PAPPA: variants seen among roughly 807,000 people sequenced by gnomAD.
PAPPA encodes pappalysin 1, also known as pappalysin-1.
PAPPA carries 60 observed loss-of-function variants against 164.0 expected under a neutral mutation model. That is an observed-to-expected ratio of 0.37 (90% CI 0.30 to 0.45). The LOEUF (loss-of-function observed/expected upper bound fraction) is 0.45. Among genes scored for constraint, PAPPA ranks in the 20% least tolerant of loss-of-function variants. PAPPA has a pLI of 1.00. For synonymous variants in PAPPA, 875 were observed against 814.1 expected (o/e 1.07, Z -1.27); for missense variants, 1,782 against 2,087.3 (o/e 0.85, Z 2.85).
Position 116,325,619 on chromosome 9 carries a change from C to G in PAPPA, c.3148-5625C>G, listed in dbSNP as rs527286032. 3.2e-4 allele frequency among the ~76,000 whole-genome samples: 49 copies of G among 152,272 alleles called. No individual in the cohort carries two copies. In the South Asian group the frequency reaches 4.4e-3, roughly 14 times the overall value. ...AGGGGTCACTTGCCTTTCAATTCCT[C>G]CAGGTGCTAGGATGAGGATGAGAAG... On this transcript the variant is annotated intron_variant, in intron 10 of 21. Transcript: ENST00000328252.
At chr9:116,201,311 T>A (rs1303346970) in intron 2 of PAPPA, among the ~76,000 whole-genome samples, 2 of 152,206 alleles carry the variant, frequency 1.3e-5, no homozygotes, top group Non-Finnish European at 2.9e-5. Context: ...TTTCAAATGG[T>A]CTGGTGTGTT....
intron 10 of PAPPA, among the ~76,000 whole-genome samples, chr9:116,312,686 A>G (rs1317984734): frequency 6.6e-6 from 1 of 152,064 alleles, no homozygotes; most frequent in Non-Finnish European, 1.5e-5. Flanking sequence ...TCTACTCTCT[A>G]TTCCTCCCCA....
chr9:116,332,206 G>A (rs1846001568), intron 11 of PAPPA, 127 bp from the exon 12 acceptor site: 1 of 657,296 alleles, frequency 1.5e-6, no homozygotes, highest in Admixed American at 2.7e-5. Context: ...TTCCCATCTT[G>A]GACCCCTGAT....
intron 10 of PAPPA, among the ~76,000 whole-genome samples, chr9:116,310,694 C>G (rs1011475988): frequency 3.3e-5 from 5 of 152,116 alleles, no homozygotes; most frequent in African/African-American, 1.2e-4. Context: ...AATATCTGTT[C>G]AAATCTACAA....
chr9:116,343,777 A>ATTTATTTG (rs3038277), intron 13 of PAPPA, among the ~76,000 whole-genome samples: 8 of 151,534 alleles, frequency 5.3e-5, no homozygotes, highest in Admixed American at 5.3e-4. Flanking sequence ...TTATTTATTT[A>ATTTATTTG]GAGATGGAGT....
At chr9:116,190,692 G>A (rs1844030703) in intron 2 of PAPPA, among the ~76,000 whole-genome samples, 1 of 152,222 alleles carries the variant, frequency 6.6e-6, no homozygotes, top group Admixed American at 6.5e-5. Context: ...GTGTGGAGGG[G>A]CCATGGGGCC....
At chr9:116,374,197 A>G (rs1005584929) in intron 19 of PAPPA, among the ~76,000 whole-genome samples, 5 of 106,432 alleles carry the variant, frequency 4.7e-5, no homozygotes, top group Non-Finnish European at 6.5e-5. Context: ...GGTGATGATG[A>G]TGGTGGTGCC....
At chr9:116,321,491 T>C (rs1019232516) in intron 10 of PAPPA, among the ~76,000 whole-genome samples, 14 of 152,190 alleles carry the variant, frequency 9.2e-5, no homozygotes, top group African/African-American at 1.2e-4. Context: ...TGACTCCCCA[T>C]AGTGTTTTGT....
At chr9:116,297,778 AGAC>A (rs1845527824) in intron 9 of PAPPA, among the ~76,000 whole-genome samples, 1 of 152,232 alleles carries the variant, frequency 6.6e-6, no homozygotes, top group South Asian at 2.1e-4. Flanking sequence ...CTAATTAAGA[AGAC>A]TTCTTCTCCA....
intron 1 of PAPPA, among the ~76,000 whole-genome samples, chr9:116,170,777 C>A (rs2118589260): frequency 6.6e-6 from 1 of 152,150 alleles, no homozygotes; most frequent in Non-Finnish European, 1.5e-5. Flanking sequence ...ATCCATCCTT[C>A]CATTCTTGGA....
rs547680080 is a variant in PAPPA, at chr9:116,268,705, T to C, written c.2862-2620T>C. On this transcript the variant is annotated intron_variant, in intron 8 of 21. Coordinates refer to ENST00000328252, the MANE Select transcript of PAPPA (RefSeq NM_002581.5). The stretch of plus-strand genomic sequence containing the variant: ...ATTTTAAATAGTATACTTAATACAG[T>C]TTTTTTTTAGTATTTTTACCTAGAA... Among the ~76,000 whole-genome samples, 519 of 150,110 alleles carry C rather than the reference T, an allele frequency of 3.5e-3. 4 individuals are homozygous for C. Among genetic ancestry groups the C allele is most frequent in the African/African-American group, 0.012 (490 of 40,212 alleles).
Position 116,382,411 on chromosome 9 carries a change from A to G in PAPPA, c.4694A>G (p.Asn1565Ser). 8 of 1,613,172 alleles carry G rather than the reference A, an allele frequency of 5.0e-6. No homozygotes were observed. Among genetic ancestry groups the G allele is most frequent in the Non-Finnish European group, 6.8e-6 (8 of 1,179,256 alleles). Residue 1565 changes from asparagine to serine, a missense_variant, in exon 21 of 22, where the codon AAT becomes AGT. Physicochemically the swap from Asn to Ser is conservative, Grantham distance 46. Around this residue, in one of 2 missense-constraint regions of PAPPA, gnomAD observed 1,324 missense variants for 1,656.9 expected, o/e 0.80. Transcript: ENST00000328252. ...CCTTTCCAGCCCTTCATGGGAGACA[A>G]TTATTGTGATGCCATCAACAACCGA... The part of the protein sequence containing the change: ...VKGCEPFMGD[N>S]YCDAINNRAF...
chr9:116,336,998 A>C (rs917517646), intron 13 of PAPPA, among the ~76,000 whole-genome samples: 1 of 152,156 alleles, frequency 6.6e-6, no homozygotes, highest in Non-Finnish European at 1.5e-5. Context: ...TTATTTTATT[A>C]TTGCACCTCT....
intron 3 of PAPPA, among the ~76,000 whole-genome samples, chr9:116,209,413 T>C (rs1844279448): frequency 3.3e-5 from 5 of 152,104 alleles, no homozygotes; most frequent in African/African-American, 1.2e-4. Context: ...TTCTGTCCTA[T>C]TAGAAAAGCA....
intron 9 of PAPPA, among the ~76,000 whole-genome samples, chr9:116,283,802 A>G (rs1159587587): frequency 6.6e-6 from 1 of 152,154 alleles, no homozygotes; most frequent in African/African-American, 2.4e-5. Context: ...TTACCAAGGA[A>G]GGGTCTCCAC....
chr9:116,375,805 C>T (rs948068811), intron 19 of PAPPA, among the ~76,000 whole-genome samples: 2 of 152,076 alleles, frequency 1.3e-5, no homozygotes, highest in African/African-American at 4.8e-5. Context: ...CCAGGTGACT[C>T]TTCATTTTTT....
At chr9:116,203,876 A>T (rs1844200613) in intron 2 of PAPPA, among the ~76,000 whole-genome samples, 1 of 152,178 alleles carries the variant, frequency 6.6e-6, no homozygotes, top group Non-Finnish European at 1.5e-5. Context: ...ACTAATGGGC[A>T]TTCTTAAGGG....
chr9:116,209,453 A>G (rs541836099), intron 3 of PAPPA, among the ~76,000 whole-genome samples: 52 of 152,336 alleles, frequency 3.4e-4, no homozygotes, highest in African/African-American at 1.2e-3. Flanking sequence ...GAGTCTGAGA[A>G]GGATTGAGTA....
At chr9:116,181,340 TTCTCTCTCTC>T (rs944105180) in intron 1 of PAPPA, among the ~76,000 whole-genome samples, 1 of 143,058 alleles carries the variant, frequency 7.0e-6, no homozygotes. Context: ...CTCTCTCTCT[TTCTCTCTCTC>T]TCTTTCTCTC....
Sources: gnomAD v4.1 joint callset for allele counts (sites outside exome capture counted in the v4.1 genomes callset) on GRCh38, gnomAD v4.1.1 for gene constraint, gnomAD v4.1.1 regional missense constraint, MANE v1.5 for transcripts, NCBI Gene and HGNC (gene_info 2026-07-23, HGNC 2026-07-21) for gene names.